The following OR14A2 variants were observed in gnomAD, a reference collection of about 807,000 sequenced individuals.
OR14A2 encodes olfactory receptor 14A2.
For missense variants in OR14A2, 237 were observed against 152.9 expected, an observed-to-expected ratio of 1.55 and a Z score of -2.90; for synonymous variants, 114 against 58.6, an observed-to-expected ratio of 1.95 and a Z score of -4.32.
At chr1:247,738,866 C>T in the OR14A2 span, 24 of 780,662 alleles carry the variant, frequency 3.1e-5, no homozygotes, top group East Asian at 1.7e-4. Flanking sequence ...TCAACTCTGT[C>T]GCCTCCACTG....
At chr1:247,743,078 C>T in the OR14A2 span, among the ~76,000 whole-genome samples, 2 of 152,114 alleles carry the variant, frequency 1.3e-5, no homozygotes, top group Non-Finnish European at 2.9e-5. Context: ...TTGAAACAAC[C>T]AGAGTATGGA....
chr1:247,725,305 G>T (rs1195635934), upstream of OR14A2, among the ~76,000 whole-genome samples: 1 of 152,016 alleles, frequency 6.6e-6, no homozygotes, highest in Non-Finnish European at 1.5e-5. Flanking sequence ...TGGATCACAT[G>T]TGGAGAAGCA....
At chr1:247,729,900 C>T in the OR14A2 span, among the ~76,000 whole-genome samples, 1 of 152,110 alleles carries the variant, frequency 6.6e-6, no homozygotes, top group South Asian at 2.1e-4. Context: ...TTATAGCATA[C>T]GAAGTATACT....
the OR14A2 span, among the ~76,000 whole-genome samples, chr1:247,732,470 G>C: frequency 6.6e-6 from 1 of 152,264 alleles, no homozygotes; most frequent in East Asian, 1.9e-4. Context: ...GGTTTCACAT[G>C]TGCTTTCTGT....
chr1:247,736,264 T>C, the OR14A2 span, among the ~76,000 whole-genome samples: 1 of 151,896 alleles, frequency 6.6e-6, no homozygotes, highest in Admixed American at 6.6e-5. Flanking sequence ...TAATATGATA[T>C]AGAAATGGTA....
At chr1:247,735,769 G>T in the OR14A2 span, among the ~76,000 whole-genome samples, 16 of 152,094 alleles carry the variant, frequency 1.1e-4, no homozygotes, top group Non-Finnish European at 2.1e-4. Context: ...CAAAATCGTC[G>T]TGAGTTTAAC....
chr1:247,726,470 C>T (rs1660361747), upstream of OR14A2, among the ~76,000 whole-genome samples: 1 of 128,510 alleles, frequency 7.8e-6, no homozygotes, highest in African/African-American at 3.2e-5. Context: ...AATTTTCTCC[C>T]ATTTTGTAGG....
exon 1 of OR14A2, chr1:247,723,830 C>G (rs538371280): frequency 1.4e-6 from 1 of 717,560 alleles, no homozygotes; most frequent in South Asian, 1.5e-5. Flanking sequence ...GGAACAGACA[C>G]CAGGAAGACA....
the OR14A2 span, among the ~76,000 whole-genome samples, chr1:247,736,462 A>C: frequency 6.6e-6 from 1 of 152,178 alleles, no homozygotes; most frequent in South Asian, 2.1e-4. Context: ...AATGAGGCAA[A>C]GCTTTATTGT....
At chr1:247,730,942 C>T in the OR14A2 span, among the ~76,000 whole-genome samples, 2 of 152,070 alleles carry the variant, frequency 1.3e-5, no homozygotes, top group Non-Finnish European at 2.9e-5. Flanking sequence ...CTGGAAACAC[C>T]TTGATAGACA....
chr1:247,736,558 G>A, the OR14A2 span, among the ~76,000 whole-genome samples: 13 of 152,250 alleles, frequency 8.5e-5, no homozygotes, highest in South Asian at 2.7e-3. Context: ...GAAATAAGGT[G>A]AAATATAAAT....
chr1:247,725,679 C>A (rs866114204), upstream of OR14A2, among the ~76,000 whole-genome samples: 838 of 105,062 alleles, frequency 8.0e-3, 3 homozygotes, highest in Middle Eastern at 0.016. Context: ...TATCCCTCCC[C>A]CCTCCCCCCA....
the OR14A2 span, among the ~76,000 whole-genome samples, chr1:247,745,866 G>A: frequency 1.3e-5 from 2 of 152,062 alleles, no homozygotes; most frequent in Admixed American, 6.6e-5. Context: ...GAAATAATCT[G>A]TTTTTTTGAG....
the OR14A2 span, among the ~76,000 whole-genome samples, chr1:247,732,010 C>T: frequency 6.6e-6 from 1 of 152,064 alleles, no homozygotes; most frequent in Admixed American, 6.6e-5. Context: ...TATTAACAAG[C>T]CATTTCTTCA....
At chr1:247,742,151 G>C in the OR14A2 span, among the ~76,000 whole-genome samples, 2,548 of 152,232 alleles carry the variant, frequency 0.017, 82 homozygotes, top group African/African-American at 0.058. Flanking sequence ...AACTTGGTAT[G>C]GTGTGAAACA....
chr1:247,735,344 T>G, the OR14A2 span, among the ~76,000 whole-genome samples: 2 of 152,216 alleles, frequency 1.3e-5, no homozygotes, highest in East Asian at 3.9e-4. Flanking sequence ...ACACTCAATT[T>G]AAAGAGTCTG....
At chr1:247,746,567 A>G in the OR14A2 span, 1 of 152,234 alleles carries the variant, frequency 6.6e-6, no homozygotes, top group Non-Finnish European at 1.5e-5. Context: ...AGCCTATGGA[A>G]TGAGGCCACC....
At chr1:247,743,798 A>C in the OR14A2 span, among the ~76,000 whole-genome samples, 1 of 152,184 alleles carries the variant, frequency 6.6e-6, no homozygotes, top group Non-Finnish European at 1.5e-5. Context: ...TCATGGAAAC[A>C]TAAGTCTTTA....
chr1:247,727,846 A>G (rs970383462), upstream of OR14A2, among the ~76,000 whole-genome samples: 1 of 147,980 alleles, frequency 6.8e-6, no homozygotes, highest in Non-Finnish European at 1.5e-5. Flanking sequence ...ATTCCTCGAC[A>G]CATACACTCT....
Sources: allele counts gnomAD v4.1 joint callset (sites outside exome capture counted in the v4.1 genomes callset), GRCh38; gene constraint gnomAD v4.1.1; transcripts MANE v1.5; gene names NCBI Gene and HGNC (gene_info 2026-07-23, HGNC 2026-07-21).